The following SPATA6L variants were observed in gnomAD, a reference collection of about 807,000 sequenced individuals.
The protein encoded by SPATA6L is spermatogenesis associated 6-like protein.
A neutral mutation model predicts 49.2 loss-of-function variants in SPATA6L; 68 were observed. The observed-to-expected ratio is 1.38, with a 90% CI of 1.14 to 1.69. The LOEUF (loss-of-function observed/expected upper bound fraction) is 1.69. SPATA6L is among the 40% of genes most tolerant of loss of function. The pLI is 0.00. For synonymous variants in SPATA6L, 198 were observed against 165.7 expected (o/e 1.19, Z -1.50); for missense variants, 668 against 464.3 (o/e 1.44, Z -4.03).
rs1451022588 is a variant in SPATA6L, at chr9:4,646,131, C to CACACAT, written c.226+9909_226+9910insATGTGT. On this transcript the variant is annotated intron_variant, in intron 3 of 11. Transcript: ENST00000682582. ...AAAATGTCTTAGGGTTTTACACACACACACACACACACACCCCACAAATTA... is the reference window on the plus strand; with the variant it reads ...AAAATGTCTTAGGGTTTTACACACACACACATACACACACACACACCCCACAAATTA... Among the ~76,000 whole-genome samples the CACACAT allele has an allele frequency of 2.6e-5, 4 of 151,886 alleles. No homozygotes were observed. In the East Asian group the frequency reaches 7.7e-4, roughly 29 times the overall value.
chr9:4,609,466 C>A (rs1056111020), intron 9 of SPATA6L, among the ~76,000 whole-genome samples: 1 of 152,182 alleles, frequency 6.6e-6, no homozygotes, highest in African/African-American at 2.4e-5. Flanking sequence ...TGGGCTTCAT[C>A]CCTGGGATGC....
chr9:4,594,091 A>C (rs1429684137), downstream of SPATA6L, among the ~76,000 whole-genome samples: 3 of 152,072 alleles, frequency 2.0e-5, no homozygotes, highest in Non-Finnish European at 4.4e-5. Flanking sequence ...CCCACCTCCA[A>C]CTTCTACTGA....
At chr9:4,659,585 T>C (rs1183863213) in intron 2 of SPATA6L, among the ~76,000 whole-genome samples, 1 of 151,988 alleles carries the variant, frequency 6.6e-6, no homozygotes, top group Non-Finnish European at 1.5e-5. Flanking sequence ...ATCAATATCG[T>C]GAAAATGGCC....
rs1212580435 is a variant in SPATA6L at position 4,662,799 on chromosome 9, C to G, written c.40-763G>C. 2.5e-6 allele frequency: 4 copies of G among 1,605,116 alleles called. No individual in the cohort carries two copies. The African/African-American group carries it at 4.0e-5, about 16-fold the overall frequency. On this transcript the variant is annotated intron_variant, in intron 1 of 11. Coordinates refer to ENST00000682582, the MANE Select transcript of SPATA6L (RefSeq NM_001353486.2). The surrounding 1 kb of genome is among the most constrained non-coding windows in gnomAD (Gnocchi z 4.9). ...TATGAAGCTGCTGGAGATCTCGGGACACGGCATCCCCTGGCTGCTGGGCAC... is the reference window on the plus strand; with the variant it reads ...TATGAAGCTGCTGGAGATCTCGGGAGACGGCATCCCCTGGCTGCTGGGCAC...
At chr9:4,621,526 T>C (rs1270174450) in intron 7 of SPATA6L, among the ~76,000 whole-genome samples, 4 of 152,164 alleles carry the variant, frequency 2.6e-5, no homozygotes, top group Admixed American at 6.5e-5. Context: ...TTCACTCTTG[T>C]TGCCCAGGCT....
chr9:4,654,452 T>C (rs1837631229), intron 3 of SPATA6L, among the ~76,000 whole-genome samples: 1 of 152,014 alleles, frequency 6.6e-6, no homozygotes, highest in South Asian at 2.1e-4. Context: ...GAAGCCCCAG[T>C]GGGTGTGTTT....
At chr9:4,632,037 T>C (rs1477142805) in intron 4 of SPATA6L, among the ~76,000 whole-genome samples, 1 of 140,226 alleles carries the variant, frequency 7.1e-6, no homozygotes, top group Non-Finnish European at 1.5e-5. Flanking sequence ...TCAGCTACTT[T>C]TTTTTTTTTT....
At chr9:4,650,824 T>TTC (rs1491410111) in intron 3 of SPATA6L, among the ~76,000 whole-genome samples, 6 of 137,040 alleles carry the variant, frequency 4.4e-5, no homozygotes, top group Non-Finnish European at 7.9e-5. Flanking sequence ...CAAACCCAGC[T>TTC]TGTGTGTGTG....
At chr9:4,589,853 T>C (rs997751642) in intron 13 of SPATA6L, among the ~76,000 whole-genome samples, 2 of 152,208 alleles carry the variant, frequency 1.3e-5, no homozygotes, top group African/African-American at 4.8e-5. Flanking sequence ...TCTGCAATCC[T>C]AGACTTTTAA....
intron 4 of SPATA6L, chr9:4,633,269 G>A (rs148034806): frequency 3.8e-5 from 6 of 157,326 alleles, no homozygotes; most frequent in African/African-American, 9.6e-5. Flanking sequence ...CTGAGAAGGG[G>A]CATTCCTGTT....
At position 4,662,351 on chromosome 9, in the gene SPATA6L, C is replaced by G. The variant is rs914680464; in HGVS notation, c.40-315G>C. On this transcript the variant is annotated intron_variant, in intron 1 of 11. Coordinates refer to ENST00000682582, the MANE Select transcript of SPATA6L (RefSeq NM_001353486.2). The surrounding 1 kb of genome is among the most constrained non-coding windows in gnomAD (Gnocchi z 4.9). The stretch of plus-strand genomic sequence containing the variant: ...AAGCCTCTGTTTGGTCCGGCCAGGT[C>G]CCGGGATCCGGGCCGCCAGCTGCGA... The G allele has an allele frequency of 6.7e-7, 1 of 1,483,746 alleles. No individual in the cohort carries two copies. The highest frequency in any genetic ancestry group is 8.9e-7 in the Non-Finnish European group (1 of 1,124,556). 91.9% of individuals were successfully genotyped at this position (1,483,746 alleles called of 1,614,324 possible).
intron 3 of SPATA6L, among the ~76,000 whole-genome samples, chr9:4,640,712 C>A (rs10815044): frequency 0.12 from 18,405 of 151,960 alleles, 1,560 homozygotes; most frequent in African/African-American, 0.23. Context: ...AAAAACATAC[C>A]TTGAACAAAT....
At chr9:4,610,074 G>A (rs866679153) in intron 9 of SPATA6L, among the ~76,000 whole-genome samples, 2 of 152,030 alleles carry the variant, frequency 1.3e-5, no homozygotes, top group African/African-American at 4.8e-5. Context: ...AAATACCTAG[G>A]AATCCAACTT....
At chr9:4,665,561 G>A (rs1157535012) in intron 1 of SPATA6L, among the ~76,000 whole-genome samples, 1 of 152,170 alleles carries the variant, frequency 6.6e-6, no homozygotes, top group Admixed American at 6.5e-5. Flanking sequence ...CAGTAGAAAA[G>A]CCCCTAGAGG....
chr9:4,617,336 G>A (rs1828246518), intron 9 of SPATA6L: 2 of 152,172 alleles, frequency 1.3e-5, no homozygotes, highest in South Asian at 4.1e-4. Flanking sequence ...AGATTCAAGG[G>A]TTTCCCAGAA....
At chr9:4,614,360 T>A (rs1827478853) in intron 9 of SPATA6L, among the ~76,000 whole-genome samples, 1 of 152,224 alleles carries the variant, frequency 6.6e-6, no homozygotes, top group Non-Finnish European at 1.5e-5. Flanking sequence ...TGATCCTTAC[T>A]GACTTCAGTA....
At chr9:4,604,399 T>C (rs1484284791) in intron 10 of SPATA6L, 130 bp from the exon 11 acceptor site, 4 of 545,460 alleles carry the variant, frequency 7.3e-6, no homozygotes, top group East Asian at 3.2e-5. Context: ...GTTCACTATA[T>C]ATGTGTGTAT....
intron 3 of SPATA6L, among the ~76,000 whole-genome samples, chr9:4,647,641 TTTC>T (rs1835715234): frequency 6.6e-6 from 1 of 151,962 alleles, no homozygotes; most frequent in African/African-American, 2.4e-5. Flanking sequence ...TTTTTAAACT[TTTC>T]TTGAGTTCAA....
intron 11 of SPATA6L, among the ~76,000 whole-genome samples, chr9:4,602,649 G>C (rs975828200): frequency 6.9e-6 from 1 of 145,970 alleles, no homozygotes; most frequent in Non-Finnish European, 1.5e-5. Flanking sequence ...ATCCTAGTGG[G>C]AGCCTTCCAA....
Sources: allele counts gnomAD v4.1 joint callset (sites outside exome capture counted in the v4.1 genomes callset), GRCh38; gene constraint gnomAD v4.1.1; non-coding constraint Gnocchi (gnomAD v3.1); transcripts MANE v1.5; gene names NCBI Gene and HGNC (gene_info 2026-07-23, HGNC 2026-07-21).